The following SMAD2 variants were observed in gnomAD, a reference collection of about 807,000 sequenced individuals.
SMAD2 encodes SMAD family member 2.
In SMAD2, 8 loss-of-function variants were observed where a neutral mutation model predicts 64.4. The ratio of observed to expected loss-of-function variants is 0.12; its 90% CI spans 0.07 to 0.22. The LOEUF is 0.22. Ranked by LOEUF, SMAD2 falls within the 10% of genes least tolerant of loss-of-function variation. The probability of loss-of-function intolerance (pLI) is 1.00; values close to 1 mark genes in which losing one functional copy is unlikely to be tolerated. For synonymous variants in SMAD2, 203 were observed against 195.8 expected, an observed-to-expected ratio of 1.04 and a Z score of -0.31; for missense variants, 289 against 561.2, an observed-to-expected ratio of 0.51 and a Z score of 4.90.
rs754313157 is a variant in SMAD2 at position 47,845,422 on chromosome 18, G to C, written c.1198C>G (p.Gln400Glu). Residue 400 changes from glutamine (Q) to glutamate (E), a missense_variant, in exon 10 of 11, where the codon CAG (glutamine) becomes GAG (glutamate). Gln to Glu is a conservative substitution (Grantham distance 29). Coordinates refer to ENST00000262160, the MANE Select transcript of SMAD2 (RefSeq NM_005901.6). ...AGCTGATAGACGGCTTCAAAACCCT[G>C]ATTAACAGACTGAGCCAGAAGAGCA... ...FAALLAQSVN[Q>E]GFEAVYQLTR... 3 of 1,613,518 alleles carry C rather than the reference G, an allele frequency of 1.9e-6. No individual in the cohort carries two copies. The highest frequency in any genetic ancestry group is 2.5e-6 in the Non-Finnish European group (3 of 1,179,514).
In SMAD2 at chr18:47,896,570, T is replaced by C; in HGVS notation, c.187A>G (p.Lys63Glu). Residue 63 changes from lysine (K) to glutamate (E), a missense_variant, in exon 2 of 11, where the codon AAA (lysine) becomes GAA (glutamate). Transcript: ENST00000262160. ...KKTGRLDELE[K>E]AITTQNCNTK... ...TTACAGTTTTGAGTGGTGATGGCTT[T>C]CTCAAGCTCATCTAATCGTCCTGTT... is the stretch of plus-strand genomic sequence containing the variant. 6.2e-7 allele frequency: 1 copy of C among 1,614,164 alleles called. No homozygotes were observed. Among genetic ancestry groups the C allele is most frequent in the Non-Finnish European group, 8.5e-7 (1 of 1,180,024 alleles).
chr18:47,859,555 C>T (rs1377543941), intron 6 of SMAD2, among the ~76,000 whole-genome samples: 1 of 152,036 alleles, frequency 6.6e-6, no homozygotes, highest in East Asian at 1.9e-4. Context: ...ACCCAAACTT[C>T]TAAATAACTC....
intron 7 of SMAD2, among the ~76,000 whole-genome samples, chr18:47,849,246 G>A (rs1256037608): frequency 1.3e-5 from 2 of 152,066 alleles, no homozygotes; most frequent in South Asian, 2.1e-4. Context: ...GAACCAGAAA[G>A]CAGTAACACA....
At chr18:47,899,468 G>C (rs1260245440) in intron 1 of SMAD2, among the ~76,000 whole-genome samples, 1 of 152,118 alleles carries the variant, frequency 6.6e-6, no homozygotes, top group Non-Finnish European at 1.5e-5. Context: ...TGATTAGGGA[G>C]AAAGGTGTCA....
At chr18:47,922,673 AAAC>A (rs2034609560) in intron 1 of SMAD2, 1 of 152,252 alleles carries the variant, frequency 6.6e-6, no homozygotes, top group Admixed American at 6.5e-5. Context: ...GCAGAGAAAA[AAAC>A]AGCAGCATCA....
chr18:47,860,171 T>C (rs557454179), intron 6 of SMAD2, among the ~76,000 whole-genome samples: 6 of 151,596 alleles, frequency 4.0e-5, no homozygotes, highest in Non-Finnish European at 8.8e-5. Flanking sequence ...AATGAACACA[T>C]TTCTAACAAA....
intron 1 of SMAD2, among the ~76,000 whole-genome samples, chr18:47,929,073 T>C (rs931260915): frequency 6.6e-6 from 1 of 152,226 alleles, no homozygotes; most frequent in Admixed American, 6.5e-5. Context: ...AAATATCTTG[T>C]ATGGGTTTTC....
chr18:47,913,083 C>G (rs1391137998), intron 1 of SMAD2, among the ~76,000 whole-genome samples: 1 of 152,014 alleles, frequency 6.6e-6, no homozygotes. Context: ...ACACGCTCGG[C>G]TAATTTTTTG....
At chr18:47,869,495 GCAGT>G (rs2031801670) in intron 3 of SMAD2, 59 bp from the exon 4 acceptor site, 5 of 1,026,786 alleles carry the variant, frequency 4.9e-6, no homozygotes, top group East Asian at 2.5e-5. Context: ...AAAAAAAAGT[GCAGT>G]CAAATGGGCT....
chr18:47,839,738 T>G lies in SMAD2; in HGVS notation c.*2089A>C, dbSNP rs1360603968. 4.3e-6 allele frequency: 1 copy of G among 233,376 alleles called. No homozygotes were observed. 14.5% of individuals were successfully genotyped at this position (233,376 alleles called of 1,614,324 possible). On this transcript the variant is annotated 3_prime_UTR_variant, in exon 11 of 11. Transcript: ENST00000262160. ...TAGAGGTTTCTGTATAAAGCATTAA[T>G]ACCTAATCAGGAGTTTCCTTTAGTG... is the stretch of plus-strand genomic sequence containing the variant.
chr18:47,845,521 G>A (rs1183507836), intron 9 of SMAD2, 37 bp from the exon 10 acceptor site: 1 of 1,600,136 alleles, frequency 6.2e-7, no homozygotes, highest in East Asian at 2.2e-5. Flanking sequence ...TGTCAAAAGA[G>A]TATCATTATT....
At chr18:47,846,771 C>G (rs1474479982) in intron 8 of SMAD2, among the ~76,000 whole-genome samples, 2 of 152,118 alleles carry the variant, frequency 1.3e-5, no homozygotes, top group Non-Finnish European at 2.9e-5. Context: ...TTGTTAAACC[C>G]TGAAAAGACC....
intron 2 of SMAD2, among the ~76,000 whole-genome samples, chr18:47,894,023 T>C (rs2033325505): frequency 6.6e-6 from 1 of 152,124 alleles, no homozygotes; most frequent in Non-Finnish European, 1.5e-5. Context: ...GAGATCTCTA[T>C]CTCCAAAAGA....
intron 1 of SMAD2, among the ~76,000 whole-genome samples, chr18:47,911,894 A>G (rs1335046889): frequency 1.3e-5 from 2 of 152,240 alleles, no homozygotes; most frequent in Non-Finnish European, 2.9e-5. Context: ...ACTATCAGGC[A>G]GCAAAAAGTG....
chr18:47,897,853 C>G (rs2033509048), intron 1 of SMAD2, among the ~76,000 whole-genome samples: 1 of 152,008 alleles, frequency 6.6e-6, no homozygotes, highest in South Asian at 2.1e-4. Flanking sequence ...CCTTTGCCTT[C>G]AATTTTAGTG....
intron 5 of SMAD2, among the ~76,000 whole-genome samples, chr18:47,867,675 A>C (rs1189471517): frequency 1.3e-5 from 2 of 151,288 alleles, no homozygotes; most frequent in Non-Finnish European, 3.0e-5. Context: ...AAAAAAAGAA[A>C]CCATAAAAAA....
chr18:47,930,575 GAGGGGAGGGGAGGGGAGGAGAGGGA>G lies in SMAD2; in HGVS notation c.-293_-269del, dbSNP rs1158979608. On this transcript the variant is annotated 5_prime_UTR_variant, in exon 1 of 11. Coordinates refer to ENST00000262160, the MANE Select transcript of SMAD2 (RefSeq NM_005901.6). Reference sequence around the variant, plus strand: ...GGGCGCGCGGGAGGGTAGGGGAAGAGAGGGGAGGGGAGGGGAGGAGAGGGAAGGGGAGGGGAGGGAGCCTGGCCGC... The same window carrying G: ...GGGCGCGCGGGAGGGTAGGGGAAGAGAGGGGAGGGGAGGGAGCCTGGCCGC... 2.7e-5 allele frequency: 4 copies of G among 148,626 alleles called. No homozygotes were observed. In the South Asian group the frequency reaches 6.3e-4, roughly 23 times the overall value. The allele number at this position is 148,626 out of a possible 1,614,324, so 9.2% of individuals were successfully genotyped here. A position where few individuals can be genotyped will look rare whatever the true frequency, so the allele number is the denominator to read the frequency against.
rs1373958983 is a variant in SMAD2, at chr18:47,814,689, A to C, written c.*27138T>G. ...GCCACTCAAAAAAGTCCTACTCATG[A>C]CTTAGAGGCTTACCCAGTATGGCAC... is the stretch of plus-strand genomic sequence containing the variant. On this transcript the variant is annotated 3_prime_UTR_variant, in exon 11 of 11. Transcript: ENST00000262160. The C allele has an allele frequency of 6.6e-6, 1 of 152,198 alleles. No homozygotes were observed. The highest frequency in any genetic ancestry group is 2.4e-5 in the African/African-American group (1 of 41,444). The allele number at this position is 152,198 out of a possible 1,614,324, so 9.4% of individuals were successfully genotyped here. A position where few individuals can be genotyped will look rare whatever the true frequency, so the allele number is the denominator to read the frequency against.
chr18:47,921,884 G>C (rs1039717102), intron 1 of SMAD2, among the ~76,000 whole-genome samples: 2 of 152,138 alleles, frequency 1.3e-5, no homozygotes, highest in Non-Finnish European at 2.9e-5. Context: ...TTTACAGTAA[G>C]AAGAATGGGC....
Sources: gnomAD v4.1 joint callset for allele counts (sites outside exome capture counted in the v4.1 genomes callset) on GRCh38, gnomAD v4.1.1 for gene constraint, MANE v1.5 for transcripts, NCBI Gene and HGNC (gene_info 2026-07-23, HGNC 2026-07-21) for gene names.